The following INSC variants were observed in gnomAD, a reference collection of about 807,000 sequenced individuals.
INSC encodes protein inscuteable homolog.
Under a neutral mutation model 58.6 loss-of-function variants are expected in INSC, and 67 were observed. That is an observed-to-expected ratio of 1.14 (90% CI 0.94 to 1.40). INSC has a LOEUF of 1.40. INSC is among the 40% of genes most tolerant of loss of function. INSC has a pLI of 0.00. For synonymous variants in INSC, 262 were observed against 276.1 expected, an observed-to-expected ratio of 0.95 and a Z score of 0.51; for missense variants, 714 against 692.0, an observed-to-expected ratio of 1.03 and a Z score of -0.36.
At position 15,200,835 on chromosome 11, in the gene INSC, C is replaced by G; in HGVS notation, c.705C>G (p.Val235=). The change falls in exon 7 of 13, where the codon GTC becomes GTG. Residue 235 remains valine (V), a synonymous_variant. Transcript: ENST00000379556. ...CTTTCTCTTGGCAGGAGGGTGGGGT[C>G]GTAGCACTCTTCAAGGTTTGCCGGC... ...LCRIIAKEGG[V]VALFKVCRQD... 2.5e-6 allele frequency: 4 copies of G among 1,613,926 alleles called. No individual in the cohort carries two copies. The highest frequency in any genetic ancestry group is 3.4e-6 in the Non-Finnish European group (4 of 1,179,982).
At chr11:15,209,716 C>T (rs548491384) in intron 7 of INSC, among the ~76,000 whole-genome samples, 22 of 152,248 alleles carry the variant, frequency 1.4e-4, no homozygotes, top group Admixed American at 3.3e-4. Flanking sequence ...ATTTCTGGTT[C>T]GTTCTTCCTC....
chr11:15,262,413 G>C, the INSC span, among the ~76,000 whole-genome samples: 1 of 151,974 alleles, frequency 6.6e-6, no homozygotes, highest in Non-Finnish European at 1.5e-5. Flanking sequence ...GGATGAAAAC[G>C]AAGTCCAGAG....
intron 5 of INSC, among the ~76,000 whole-genome samples, chr11:15,184,998 A>G (rs1354851533): frequency 6.6e-6 from 1 of 152,228 alleles, no homozygotes; most frequent in Non-Finnish European, 1.5e-5. Flanking sequence ...GTTGCAATTA[A>G]TGGTTATTTG....
At position 15,125,404 on chromosome 11, in the gene INSC, A is replaced by T. The variant is rs12290641; in HGVS notation, c.-46+10401A>T. ...TGAGTGGTATAGTGAACATTGAAAAATTTCGAAGAGAGAAATGACATGCTA... is the reference window on the plus strand; with the variant it reads ...TGAGTGGTATAGTGAACATTGAAAATTTTCGAAGAGAGAAATGACATGCTA... On this transcript the variant is annotated intron_variant, in intron 1 of 12. Coordinates refer to ENST00000379556, the MANE Select transcript of INSC (RefSeq NM_001042536.3). Among the ~76,000 whole-genome samples, 590 of 152,326 alleles carry T rather than the reference A, an allele frequency of 3.9e-3. 8 individuals carry two copies. The highest frequency in any genetic ancestry group is 0.013 in the African/African-American group (545 of 41,578).
chr11:15,146,391 A>G (rs1393018342), intron 1 of INSC, among the ~76,000 whole-genome samples: 1 of 152,224 alleles, frequency 6.6e-6, no homozygotes, highest in Non-Finnish European at 1.5e-5. Flanking sequence ...GCAAAGAGGC[A>G]GCCAATAATG....
chr11:15,226,402 T>C (rs1004889502), intron 9 of INSC, among the ~76,000 whole-genome samples: 6 of 152,138 alleles, frequency 3.9e-5, no homozygotes, highest in Non-Finnish European at 7.4e-5. Context: ...TTTTCTTTGG[T>C]AGAAAGGGGG....
At chr11:15,117,429 A>G (rs1894133) in intron 1 of INSC, among the ~76,000 whole-genome samples, 88,401 of 151,870 alleles carry the variant, frequency 0.58, 25,900 homozygotes, top group African/African-American at 0.6. Flanking sequence ...AGGGCAGGCT[A>G]TGGTCAGTCC....
chr11:15,242,614 G>A (rs1852399112), intron 12 of INSC, among the ~76,000 whole-genome samples: 1 of 152,140 alleles, frequency 6.6e-6, no homozygotes, highest in Admixed American at 6.5e-5. Flanking sequence ...CCTGGGCTAA[G>A]CCAGAACACC....
At chr11:15,201,683 G>C (rs557142115) in intron 7 of INSC, among the ~76,000 whole-genome samples, 3 of 152,324 alleles carry the variant, frequency 2.0e-5, no homozygotes, top group African/African-American at 7.2e-5. Flanking sequence ...GGGGAGGCAG[G>C]GGCTGAAATC....
chr11:15,123,709 G>A (rs1322094716), intron 1 of INSC, among the ~76,000 whole-genome samples: 1 of 152,192 alleles, frequency 6.6e-6, no homozygotes, highest in African/African-American at 2.4e-5. Flanking sequence ...GTCACAAGTG[G>A]CATCCCTGAG....
the INSC span, among the ~76,000 whole-genome samples, chr11:15,261,762 A>C: frequency 1.3e-5 from 2 of 152,292 alleles, no homozygotes; most frequent in South Asian, 4.1e-4. Context: ...AAGATGGGAA[A>C]ATTAGCGGGA....
chr11:15,220,359 T>C (rs1851390658), intron 7 of INSC, among the ~76,000 whole-genome samples: 2 of 152,238 alleles, frequency 1.3e-5, no homozygotes, highest in Admixed American at 1.3e-4. Context: ...CCAGGCAGGC[T>C]GGTGTCCGGG....
intron 5 of INSC, among the ~76,000 whole-genome samples, chr11:15,182,918 G>T (rs901126113): frequency 2.0e-5 from 3 of 152,124 alleles, no homozygotes; most frequent in East Asian, 3.8e-4. Flanking sequence ...ACATTGCCTT[G>T]CCATACAAAA....
Position 15,175,705 on chromosome 11 carries a change from G to A in INSC, c.57-36G>A, listed in dbSNP as rs972795448. On this transcript the variant is annotated intron_variant, in intron 2 of 12. Transcript: ENST00000379556. ...TTGAGACCTTTGGAAATCATGGGGT[G>A]TTGATAATTATCGTGGTGCTGTTTC... 6 of 1,477,366 alleles carry A rather than the reference G, an allele frequency of 4.1e-6. No homozygotes were observed. In the African/African-American group the frequency reaches 5.6e-5, roughly 14 times the overall value. 91.5% of individuals were successfully genotyped at this position (1,477,366 alleles called of 1,614,324 possible). A position where few individuals can be genotyped will look rare whatever the true frequency, so the allele number is the denominator to read the frequency against.
chr11:15,138,744 C>T (rs1848304778), intron 1 of INSC, among the ~76,000 whole-genome samples: 1 of 152,160 alleles, frequency 6.6e-6, no homozygotes, highest in Non-Finnish European at 1.5e-5. Context: ...ATTTCACTTT[C>T]TCTGAAATAT....
chr11:15,213,695 C>T (rs972365554), intron 7 of INSC, among the ~76,000 whole-genome samples: 4 of 152,228 alleles, frequency 2.6e-5, no homozygotes, highest in African/African-American at 9.6e-5. Context: ...GTCTCTCTCT[C>T]TCTCTACCTC....
At chr11:15,262,909 A>G in the INSC span, among the ~76,000 whole-genome samples, 2 of 152,144 alleles carry the variant, frequency 1.3e-5, no homozygotes, top group Non-Finnish European at 2.9e-5. Flanking sequence ...TACACTGAAT[A>G]TAGGTATCTG....
chr11:15,199,187 A>G (rs1850483204), intron 6 of INSC, among the ~76,000 whole-genome samples: 1 of 152,204 alleles, frequency 6.6e-6, no homozygotes, highest in African/African-American at 2.4e-5. Context: ...GGCCTATAAT[A>G]AACCATTAAC....
In INSC at chr11:15,246,284, C is replaced by A; in HGVS notation, c.*244C>A. On this transcript the variant is annotated 3_prime_UTR_variant, in exon 13 of 13. Coordinates refer to ENST00000379556, the MANE Select transcript of INSC (RefSeq NM_001042536.3). ...CTTTTCAGTTGCAGATGTTGAAATTCGTAATGACAAATATGACAAATTGTC... is the reference window on the plus strand; with the variant it reads ...CTTTTCAGTTGCAGATGTTGAAATTAGTAATGACAAATATGACAAATTGTC... 1 of 327,716 alleles carries A rather than the reference C, an allele frequency of 3.1e-6. No homozygotes were observed. 20.3% of individuals were successfully genotyped at this position (327,716 alleles called of 1,614,324 possible).
Sources: gnomAD v4.1 joint callset for allele counts (sites outside exome capture counted in the v4.1 genomes callset) on GRCh38, gnomAD v4.1.1 for gene constraint, MANE v1.5 for transcripts, NCBI Gene and HGNC (gene_info 2026-07-23, HGNC 2026-07-21) for gene names.